The following GABRB1 variants were observed in gnomAD, a reference collection of about 807,000 sequenced individuals.
The protein encoded by GABRB1 is gamma-aminobutyric acid receptor subunit beta-1.
GABRB1 carries 17 observed loss-of-function variants against 51.6 expected under a neutral mutation model. That is an observed-to-expected ratio of 0.33 (90% CI 0.23 to 0.49). The LOEUF is 0.49. Ranked by LOEUF, GABRB1 falls within the 20% of genes least tolerant of loss-of-function variation. The probability of loss-of-function intolerance (pLI) is 0.99; values close to 1 mark genes in which losing one functional copy is unlikely to be tolerated. For synonymous variants in GABRB1, 247 were observed against 218.9 expected (o/e 1.13, Z -1.14); for missense variants, 410 against 600.6 (o/e 0.68, Z 3.32).
At chr4:47,296,027 G>C (rs1723978214) in intron 4 of GABRB1, among the ~76,000 whole-genome samples, 2 of 152,010 alleles carry the variant, frequency 1.3e-5, no homozygotes, top group South Asian at 4.1e-4. Flanking sequence ...AAGTGAAGGA[G>C]AAATAAAATA....
In GABRB1 at chr4:47,047,882, T is replaced by C. The variant is rs147775629; in HGVS notation, c.240+15398T>C. ...ACTTGAGAAGGAAATGAAGTTTAAA[T>C]TGGACATAAGGAAGAGCATCTTGAC... On this transcript the variant is annotated intron_variant, in intron 3 of 8. Transcript: ENST00000295454. 4.9e-3 allele frequency among the ~76,000 whole-genome samples: 744 copies of C among 152,198 alleles called. 5 individuals carry two copies. The highest frequency in any genetic ancestry group is 0.01 in the Middle Eastern group (3 of 294).
chr4:47,414,133 G>A (rs75794860), intron 8 of GABRB1, among the ~76,000 whole-genome samples: 1 of 152,300 alleles, frequency 6.6e-6, no homozygotes, highest in Non-Finnish European at 1.5e-5. Context: ...CCGTGTCACA[G>A]GGGACACCAG....
intron 3 of GABRB1, among the ~76,000 whole-genome samples, chr4:47,123,731 C>CATATATA (rs1560545563): frequency 2.8e-5 from 2 of 72,696 alleles, no homozygotes; most frequent in Admixed American, 2.4e-4. Flanking sequence ...TATGATATAT[C>CATATATA]ATATATTATT....
At chr4:47,122,685 G>C (rs1015719573) in intron 3 of GABRB1, among the ~76,000 whole-genome samples, 1 of 152,172 alleles carries the variant, frequency 6.6e-6, no homozygotes, top group African/African-American at 2.4e-5. Context: ...TGATAGACTT[G>C]GTTCTGCAAG....
At chr4:47,378,232 G>T (rs186861486) in intron 5 of GABRB1, among the ~76,000 whole-genome samples, 1 of 152,216 alleles carries the variant, frequency 6.6e-6, no homozygotes, top group Admixed American at 6.5e-5. Context: ...GAAATCGAGC[G>T]CAGCGCCAGT....
chr4:47,203,156 T>A (rs1022207610), intron 4 of GABRB1, among the ~76,000 whole-genome samples: 9 of 152,166 alleles, frequency 5.9e-5, no homozygotes, highest in African/African-American at 1.9e-4. Context: ...CAAAGACAAG[T>A]CAGCCACTTT....
intron 4 of GABRB1, among the ~76,000 whole-genome samples, chr4:47,298,081 GGAC>G (rs1179741830): frequency 2.0e-5 from 3 of 152,088 alleles, no homozygotes; most frequent in African/African-American, 7.2e-5. Flanking sequence ...GGTATTGATG[GGAC>G]GTATCTCAAA....
At chr4:47,358,638 A>G (rs1726678328) in intron 5 of GABRB1, among the ~76,000 whole-genome samples, 1 of 152,154 alleles carries the variant, frequency 6.6e-6, no homozygotes, top group African/African-American at 2.4e-5. Context: ...TTTGATTAGG[A>G]TCCACACTAA....
chr4:47,314,205 T>C (rs1229091364), intron 4 of GABRB1, among the ~76,000 whole-genome samples: 1 of 152,020 alleles, frequency 6.6e-6, no homozygotes, highest in Admixed American at 6.6e-5. Context: ...CTAGGTGATA[T>C]CATTTATATT....
intron 3 of GABRB1, among the ~76,000 whole-genome samples, chr4:47,139,179 G>A (rs1716806327): frequency 6.6e-6 from 1 of 151,960 alleles, no homozygotes; most frequent in African/African-American, 2.4e-5. Context: ...GCAGACCTAG[G>A]TGTGTATAAT....
At chr4:47,260,304 T>C (rs1317939757) in intron 4 of GABRB1, among the ~76,000 whole-genome samples, 1 of 152,310 alleles carries the variant, frequency 6.6e-6, no homozygotes, top group Non-Finnish European at 1.5e-5. Flanking sequence ...TGTCTTTTAA[T>C]TGGAGCATTT....
rs1719216645 is a variant in GABRB1, at chr4:47,187,237, G to T, written c.461+25768G>T. On this transcript the variant is annotated intron_variant, in intron 4 of 8. Transcript: ENST00000295454. Reference sequence around the variant, plus strand: ...AAGATCACACAGCTTACAAAGATGGGACATGAGTCCAACTTTTGCTTCAAG... The same window carrying T: ...AAGATCACACAGCTTACAAAGATGGTACATGAGTCCAACTTTTGCTTCAAG... 2.0e-5 allele frequency among the ~76,000 whole-genome samples: 3 copies of T among 151,838 alleles called. No homozygotes were observed. The South Asian group carries it at 6.2e-4, about 32-fold the overall frequency.
chr4:47,221,798 C>A (rs1251820136), intron 4 of GABRB1, among the ~76,000 whole-genome samples: 1 of 151,968 alleles, frequency 6.6e-6, no homozygotes, highest in Non-Finnish European at 1.5e-5. Flanking sequence ...CATCAACAGA[C>A]CAATACATTT....
chr4:47,370,963 G>A (rs1360458517), intron 5 of GABRB1, among the ~76,000 whole-genome samples: 1 of 151,838 alleles, frequency 6.6e-6, no homozygotes, highest in Non-Finnish European at 1.5e-5. Context: ...TGGGGTACAT[G>A]TTCAGGATGT....
chr4:47,026,241 G>T (rs1402662367), intron 1 of GABRB1, among the ~76,000 whole-genome samples: 1 of 151,984 alleles, frequency 6.6e-6, no homozygotes, highest in Non-Finnish European at 1.5e-5. Flanking sequence ...TGCCCCAACA[G>T]TTTGTATCAC....
intron 5 of GABRB1, 50 bp downstream of exon 5, chr4:47,320,259 A>G: frequency 8.5e-7 from 1 of 1,180,690 alleles, no homozygotes; most frequent in Non-Finnish European, 1.3e-6. Flanking sequence ...TCCTTGACCC[A>G]GTTGAATTCA....
intron 3 of GABRB1, among the ~76,000 whole-genome samples, chr4:47,046,247 G>A (rs576813782): frequency 4.7e-4 from 71 of 152,144 alleles, no homozygotes; most frequent in African/African-American, 1.7e-3. Flanking sequence ...TCATAGCAGG[G>A]TGAGGACGGA....
At chr4:47,171,831 T>C (rs1004735153) in intron 4 of GABRB1, among the ~76,000 whole-genome samples, 2 of 152,156 alleles carry the variant, frequency 1.3e-5, no homozygotes, top group Non-Finnish European at 2.9e-5. Context: ...AAGTTTTCCT[T>C]ATAAACTTTT....
chr4:47,007,873 T>TAC, intron 1 of GABRB1, among the ~76,000 whole-genome samples: 1 of 44,294 alleles, frequency 2.3e-5, no homozygotes, highest in Non-Finnish European at 5.5e-5. Context: ...CTGGTATATA[T>TAC]ATATATATAT....
Sources: gnomAD v4.1 joint callset for allele counts (sites outside exome capture counted in the v4.1 genomes callset) on GRCh38, gnomAD v4.1.1 for gene constraint, MANE v1.5 for transcripts, NCBI Gene and HGNC (gene_info 2026-07-23, HGNC 2026-07-21) for gene names.